ROR1: variants seen among roughly 807,000 people sequenced by gnomAD.
ROR1 encodes inactive tyrosine-protein kinase transmembrane receptor ROR1.
In ROR1, 19 loss-of-function variants were observed where a neutral mutation model predicts 78.8. That is an observed-to-expected ratio of 0.24 (90% confidence interval 0.17 to 0.35). The LOEUF is 0.35. Among genes scored for constraint, ROR1 ranks in the 10% least tolerant of loss-of-function variants. The pLI, the probability that ROR1 is intolerant of heterozygous loss-of-function variation, is 1.00. For missense variants in ROR1, 917 were observed against 1,177.8 expected (o/e 0.78, Z 3.24); for synonymous variants, 386 against 433.6 (o/e 0.89, Z 1.36).
At chr1:63,865,339 A>G (rs994240837) in intron 1 of ROR1, among the ~76,000 whole-genome samples, 4 of 152,174 alleles carry the variant, frequency 2.6e-5, no homozygotes, top group Admixed American at 2.6e-4. Flanking sequence ...TTTGGTCTAA[A>G]TGAGTAATAC....
chr1:63,775,329 G>A (rs1644609886), intron 1 of ROR1: 2 of 152,288 alleles, frequency 1.3e-5, no homozygotes, highest in Non-Finnish European at 2.9e-5. Flanking sequence ...GCGGGAAGCT[G>A]GGGTCCTTGC....
At chr1:63,963,521 A>G (rs927136158) in intron 1 of ROR1, among the ~76,000 whole-genome samples, 5 of 151,852 alleles carry the variant, frequency 3.3e-5, no homozygotes, top group Non-Finnish European at 7.4e-5. Context: ...GTGAGCCCAT[A>G]TCCTGCCAAT....
At chr1:63,864,669 G>A (rs184782413) in intron 1 of ROR1, among the ~76,000 whole-genome samples, 410 of 152,240 alleles carry the variant, frequency 2.7e-3, no homozygotes, top group Non-Finnish European at 3.5e-3. Flanking sequence ...CATTGAACAA[G>A]TGAGTGGCTA....
intron 4 of ROR1, among the ~76,000 whole-genome samples, chr1:64,127,695 C>T (rs150386259): frequency 2.6e-5 from 4 of 152,164 alleles, no homozygotes; most frequent in African/African-American, 9.6e-5. Context: ...ATGTCTACCT[C>T]GAGGCCTAGA....
intron 7 of ROR1, among the ~76,000 whole-genome samples, chr1:64,150,812 G>A (rs1006424586): frequency 2.6e-5 from 4 of 152,188 alleles, no homozygotes; most frequent in African/African-American, 9.6e-5. Flanking sequence ...CATGTTCCAT[G>A]AACATTTTTA....
chr1:63,839,809 T>G (rs1182671049), intron 1 of ROR1, among the ~76,000 whole-genome samples: 1 of 152,194 alleles, frequency 6.6e-6, no homozygotes, highest in East Asian at 1.9e-4. Context: ...TTCTTTTCTT[T>G]TATTTCTTTT....
chr1:63,999,502 C>T (rs1646366024), intron 1 of ROR1, among the ~76,000 whole-genome samples: 3 of 152,194 alleles, frequency 2.0e-5, no homozygotes, highest in Non-Finnish European at 4.4e-5. Context: ...GCCCTTTGTC[C>T]TTCCCAGGCC....
At chr1:63,885,916 CTAT>C (rs997276301) in intron 1 of ROR1, among the ~76,000 whole-genome samples, 3 of 152,132 alleles carry the variant, frequency 2.0e-5, no homozygotes, top group East Asian at 1.9e-4. Flanking sequence ...TTTGCACTCT[CTAT>C]TATTATTACA....
intron 2 of ROR1, among the ~76,000 whole-genome samples, chr1:64,022,740 A>T (rs966661976): frequency 4.6e-5 from 7 of 152,176 alleles, no homozygotes; most frequent in African/African-American, 1.7e-4. Flanking sequence ...ACTTGAATAT[A>T]TGTCTCTTTA....
rs556497678 is a variant in ROR1, at chr1:64,108,395, T to TAAAAAAAAAAA, written c.483-28946_483-28936dup. On this transcript the variant is annotated intron_variant, in intron 4 of 8. Coordinates refer to ENST00000371079, the MANE Select transcript of ROR1 (RefSeq NM_005012.4). ...ATGGGCGACAGAGTGAGACTCCATC[T>TAAAAAAAAAAA]AAAAAAAAAAAAAAAAAAAAAAAAA... 3 of 48,294 alleles carry TAAAAAAAAAAA rather than the reference T, an allele frequency of 6.2e-5. 1 individual carries two copies. The highest frequency in any genetic ancestry group is 2.4e-4 in the African/African-American group (3 of 12,576). The allele number at this position is 48,294 out of a possible 1,614,324, so 3.0% of individuals were successfully genotyped here.
intron 1 of ROR1, among the ~76,000 whole-genome samples, chr1:63,844,729 G>A (rs1432541166): frequency 6.6e-6 from 1 of 151,746 alleles, no homozygotes; most frequent in Non-Finnish European, 1.5e-5. Context: ...TGCATGTAGT[G>A]AGGAAGCCTG....
chr1:63,831,384 A>T (rs592289), intron 1 of ROR1, among the ~76,000 whole-genome samples: 19,790 of 152,226 alleles, frequency 0.13, 2,421 homozygotes, highest in African/African-American at 0.32. Flanking sequence ...GATCCTCTGA[A>T]ATCTAGGCAA....
intron 1 of ROR1, among the ~76,000 whole-genome samples, chr1:63,886,128 A>G (rs549266506): frequency 6.6e-6 from 1 of 152,272 alleles, no homozygotes; most frequent in Non-Finnish European, 1.5e-5. Flanking sequence ...TCACGCTCCT[A>G]TGAGAATCTA....
chr1:63,834,004 T>A, intron 1 of ROR1, among the ~76,000 whole-genome samples: 1 of 151,348 alleles, frequency 6.6e-6, no homozygotes, highest in Non-Finnish European at 1.5e-5. Context: ...TTTTTTTTTT[T>A]TTGTTTGTTT....
At chr1:63,862,377 G>C (rs568495035) in intron 1 of ROR1, among the ~76,000 whole-genome samples, 39 of 129,310 alleles carry the variant, frequency 3.0e-4, no homozygotes, top group African/African-American at 1.1e-3. Context: ...CTGGGAGACA[G>C]AGTGAGACTG....
At chr1:64,007,590 C>A (rs1218945204) in intron 1 of ROR1, among the ~76,000 whole-genome samples, 3 of 152,048 alleles carry the variant, frequency 2.0e-5, no homozygotes, top group Non-Finnish European at 2.9e-5. Flanking sequence ...TGTATTATGT[C>A]CTTTAGATTA....
intron 1 of ROR1, chr1:63,843,332 G>C: frequency 9.3e-7 from 1 of 1,076,624 alleles, no homozygotes; most frequent in Non-Finnish European, 1.4e-6. Flanking sequence ...CGTCCTTGGA[G>C]CTGGCATAGA....
At chr1:63,989,956 T>G (rs1479961776) in intron 1 of ROR1, among the ~76,000 whole-genome samples, 1 of 152,200 alleles carries the variant, frequency 6.6e-6, no homozygotes, top group Non-Finnish European at 1.5e-5. Flanking sequence ...GTGCTTGATG[T>G]CTAAAGCACT....
In ROR1 at chr1:64,176,170, C is replaced by T. The variant is rs138708577; in HGVS notation, c.1387-1258C>T. On this transcript the variant is annotated intron_variant, in intron 8 of 8. Coordinates refer to ENST00000371079, the MANE Select transcript of ROR1 (RefSeq NM_005012.4). ...TTTCATTGTGAGCTAATGCCTTCAC[C>T]TGTCTGTCTTAAGGTCAATTAATAA... 5.2e-3 allele frequency among the ~76,000 whole-genome samples: 791 copies of T among 152,298 alleles called. 7 individuals carry two copies. Among genetic ancestry groups the T allele is most frequent in the African/African-American group, 0.018 (758 of 41,574 alleles).
Sources: gnomAD v4.1 joint callset for allele counts (sites outside exome capture counted in the v4.1 genomes callset) on GRCh38, gnomAD v4.1.1 for gene constraint, MANE v1.5 for transcripts, NCBI Gene and HGNC (gene_info 2026-07-23, HGNC 2026-07-21) for gene names.